ADCK1: variants seen among roughly 807,000 people sequenced by gnomAD.
ADCK1 encodes the protein aarF domain-containing protein kinase 1.
Under a neutral mutation model 52.3 loss-of-function variants are expected in ADCK1, and 41 were observed. The observed-to-expected ratio is 0.78, with a 90% CI of 0.61 to 1.02. ADCK1 has a LOEUF of 1.02. Among genes scored for constraint, ADCK1 ranks in the 50% least tolerant of loss-of-function variants. ADCK1 has a pLI of 0.00. For missense variants in ADCK1, 658 were observed against 679.5 expected, an observed-to-expected ratio of 0.97 and a Z score of 0.35; for synonymous variants, 250 against 274.6, an observed-to-expected ratio of 0.91 and a Z score of 0.89.
chr14:77,858,297 G>A (rs1049771729), intron 3 of ADCK1, among the ~76,000 whole-genome samples: 14 of 151,922 alleles, frequency 9.2e-5, no homozygotes, highest in African/African-American at 3.4e-4. Context: ...GAGTGCAGTG[G>A]TATGATCTCG....
In ADCK1 at chr14:77,872,426, G is replaced by A. The variant is rs7154307; in HGVS notation, c.423+13147G>A. Among the ~76,000 whole-genome samples the A allele has an allele frequency of 7.9e-3, 1,196 of 152,208 alleles. 18 individuals carry two copies. The highest frequency in any genetic ancestry group is 0.027 in the African/African-American group (1,101 of 41,536). On this transcript the variant is annotated intron_variant, in intron 4 of 10. Transcript: ENST00000238561. ...CCTCTGACCGCACATCTTGCCTTCC[G>A]CTCCGGGCTGGCCTCTGACCTGTGT... is the stretch of plus-strand genomic sequence containing the variant.
chr14:77,808,765 G>A (rs990550197), intron 1 of ADCK1, among the ~76,000 whole-genome samples: 5 of 152,066 alleles, frequency 3.3e-5, no homozygotes, highest in Admixed American at 6.6e-5. Context: ...TAGTAGAGAC[G>A]GAGTTTCACC....
intron 7 of ADCK1, among the ~76,000 whole-genome samples, chr14:77,920,803 C>T (rs2084031804): frequency 6.6e-6 from 1 of 152,024 alleles, no homozygotes; most frequent in African/African-American, 2.4e-5. Flanking sequence ...GCATGCTCCA[C>T]CACACCTGGC....
intron 3 of ADCK1, among the ~76,000 whole-genome samples, chr14:77,828,943 A>G (rs1447156387): frequency 1.3e-5 from 2 of 151,438 alleles, no homozygotes; most frequent in Non-Finnish European, 3.0e-5. Flanking sequence ...TCATTATTTT[A>G]TTGCTCAAAT....
intron 4 of ADCK1, among the ~76,000 whole-genome samples, chr14:77,876,550 G>A (rs185325748): frequency 1.6e-4 from 24 of 152,326 alleles, no homozygotes; most frequent in Admixed American, 9.8e-4. Flanking sequence ...GATAATAAAT[G>A]TTTTAGGTGT....
At chr14:77,879,439 T>G (rs894478756) in intron 4 of ADCK1, among the ~76,000 whole-genome samples, 2 of 151,056 alleles carry the variant, frequency 1.3e-5, no homozygotes, top group Admixed American at 1.3e-4. Context: ...GAAGAATGAG[T>G]GGGGGAAGGG....
intron 1 of ADCK1, among the ~76,000 whole-genome samples, chr14:77,802,563 G>A (rs1409486954): frequency 6.6e-6 from 1 of 151,198 alleles, no homozygotes; most frequent in African/African-American, 2.4e-5. Context: ...CAATTCTCTT[G>A]CTTCAGCCTC....
chr14:77,823,308 C>T (rs2081620354), intron 3 of ADCK1, among the ~76,000 whole-genome samples: 2 of 152,182 alleles, frequency 1.3e-5, no homozygotes, highest in African/African-American at 4.8e-5. Flanking sequence ...TGCAAAGGAA[C>T]CCCTTTGCCC....
rs35636358 is a variant in ADCK1 at position 77,887,135 on chromosome 14, G to A, written c.468G>A (p.Thr156=). 1.3e-4 allele frequency: 214 copies of A among 1,606,262 alleles called. No individual in the cohort carries two copies. The East Asian group carries it at 1.8e-3, about 13-fold the overall frequency. Residue 156 remains threonine, a synonymous_variant, in exon 5 of 11, where the codon ACG becomes ACA. Coordinates refer to ENST00000238561, the MANE Select transcript of ADCK1 (RefSeq NM_020421.4). ...FQSFDDTPLG[T]ASLAQVHKAV... ...GCTTCGATGACACCCCTCTGGGGAC[G>A]GCCTCCCTGGCCCAGGTCCACAAGG...
At chr14:77,838,948 C>T (rs1396331295) in intron 3 of ADCK1, among the ~76,000 whole-genome samples, 1 of 152,180 alleles carries the variant, frequency 6.6e-6, no homozygotes, top group African/African-American at 2.4e-5. Flanking sequence ...GACTCAAAAG[C>T]ACATCCGCTC....
At chr14:77,910,503 A>C (rs2140264193) in intron 7 of ADCK1, among the ~76,000 whole-genome samples, 1 of 152,168 alleles carries the variant, frequency 6.6e-6, no homozygotes, top group South Asian at 2.1e-4. Flanking sequence ...AACGGCCTTA[A>C]AGGGAAACAG....
At chr14:77,841,785 A>C (rs1469216800) in intron 3 of ADCK1, among the ~76,000 whole-genome samples, 1 of 147,272 alleles carries the variant, frequency 6.8e-6, no homozygotes, top group Admixed American at 6.9e-5. Context: ...TGGAGGTTGC[A>C]CTGAGCCGAG....
intron 5 of ADCK1, among the ~76,000 whole-genome samples, chr14:77,893,153 C>T (rs779029132): frequency 3.9e-5 from 6 of 152,178 alleles, no homozygotes; most frequent in Non-Finnish European, 5.9e-5. Flanking sequence ...TCTAGATGCA[C>T]GGCCAGTGAC....
chr14:77,846,694 C>T, intron 3 of ADCK1, among the ~76,000 whole-genome samples: 1 of 152,168 alleles, frequency 6.6e-6, no homozygotes, highest in East Asian at 1.9e-4. Flanking sequence ...GGGAAGGAGG[C>T]CTTCCCACTG....
chr14:77,905,669 C>T (rs998245384), intron 6 of ADCK1, among the ~76,000 whole-genome samples: 2 of 151,956 alleles, frequency 1.3e-5, no homozygotes, highest in Non-Finnish European at 2.9e-5. Context: ...AAACAACAGG[C>T]AGGGCACGGT....
Position 77,899,120 on chromosome 14 carries a change from G to A in ADCK1, c.603G>A (p.Lys201=), listed in dbSNP as rs1426997920. Residue 201 remains lysine (K), a synonymous_variant, in exon 6 of 11, where the codon AAG becomes AAA. Coordinates refer to ENST00000238561, the MANE Select transcript of ADCK1 (RefSeq NM_020421.4). ...LLMEVLVLAV[K]QLFPEFEFMW... ...TTCAGGTGCTCGTTCTGGCTGTGAA[G>A]CAGCTGTTCCCAGAGTTTGAGTTTA... 2 of 1,613,980 alleles carry A rather than the reference G, an allele frequency of 1.2e-6. No individual in the cohort carries two copies. Among genetic ancestry groups the A allele is most frequent in the East Asian group, 2.2e-5 (1 of 44,884 alleles).
intron 3 of ADCK1, among the ~76,000 whole-genome samples, chr14:77,835,435 G>A (rs1403566164): frequency 2.0e-5 from 3 of 152,132 alleles, no homozygotes; most frequent in Non-Finnish European, 4.4e-5. Context: ...TCATTCCCAT[G>A]CAACAAAGCC....
Position 77,818,987 on chromosome 14 carries a change from A to G in ADCK1, c.9A>G (p.Arg3=), listed in dbSNP as rs2140029079. 1 of 1,614,148 alleles carries G rather than the reference A, an allele frequency of 6.2e-7. No homozygotes were observed. The highest frequency in any genetic ancestry group is 8.5e-7 in the Non-Finnish European group (1 of 1,180,000). The change falls in exon 2 of 11, where the codon AGA becomes AGG. Residue 3 remains arginine, a synonymous_variant. Coordinates refer to ENST00000238561, the MANE Select transcript of ADCK1 (RefSeq NM_020421.4). MA[R]KALKLASWTS... ...CTGCAGGATCTGGCGACATGGCCAG[A>G]AAGGCTCTCAAGCTTGCTTCGTGGA...
rs186942744 is a variant in ADCK1, at chr14:77,818,256, A to C, written c.-11-712A>C. ...TCTTCTGCTTTGCTTCTAAAATAACATTCTTCCTCTCTCCTGATCCCTTAG... is the reference window on the plus strand; with the variant it reads ...TCTTCTGCTTTGCTTCTAAAATAACCTTCTTCCTCTCTCCTGATCCCTTAG... On this transcript the variant is annotated intron_variant, in intron 1 of 10. Coordinates refer to ENST00000238561, the MANE Select transcript of ADCK1 (RefSeq NM_020421.4). 8.8e-4 allele frequency among the ~76,000 whole-genome samples: 134 copies of C among 151,810 alleles called. 1 individual carries two copies. Among genetic ancestry groups the C allele is most frequent in the Non-Finnish European group, 1.8e-3 (122 of 67,922 alleles).
Sources: allele counts gnomAD v4.1 joint callset (sites outside exome capture counted in the v4.1 genomes callset), GRCh38; gene constraint gnomAD v4.1.1; transcripts MANE v1.5; gene names NCBI Gene and HGNC (gene_info 2026-07-23, HGNC 2026-07-21).